Variants in ANO10 observed in about 807,000 individuals in gnomAD.
ANO10 encodes anoctamin-10.
ANO10 carries 77 observed loss-of-function variants against 74.7 expected under a neutral mutation model. The observed-to-expected ratio is 1.03, with a 90% CI of 0.86 to 1.25. The LOEUF (loss-of-function observed/expected upper bound fraction) is 1.25, where lower values mean the gene tolerates loss of function less well. Among genes scored for constraint, ANO10 ranks in the 50% most tolerant of loss-of-function variants. The pLI is 0.00. For missense variants in ANO10, 721 were observed against 778.1 expected, an observed-to-expected ratio of 0.93 and a Z score of 0.87; for synonymous variants, 279 against 284.9, an observed-to-expected ratio of 0.98 and a Z score of 0.21.
chr3:43,561,446 T>C (rs374495704), intron 8 of ANO10, 44 bp from the exon 9 acceptor site: 2 of 1,522,766 alleles, frequency 1.3e-6, no homozygotes, highest in East Asian at 2.3e-5. Context: ...TACAGCTTAA[T>C]AAAACTATAG....
At chr3:43,590,153 C>T (rs945087244) in intron 4 of ANO10, among the ~76,000 whole-genome samples, 1 of 151,974 alleles carries the variant, frequency 6.6e-6, no homozygotes, top group Admixed American at 6.6e-5. Context: ...TATTTTCCTG[C>T]CATATGTTAT....
intron 4 of ANO10, among the ~76,000 whole-genome samples, chr3:43,583,133 C>G (rs1379784759): frequency 6.6e-6 from 1 of 152,130 alleles, no homozygotes; most frequent in African/African-American, 2.4e-5. Flanking sequence ...ACTGAAGACT[C>G]AGAGAGAATA....
At chr3:43,451,537 T>A (rs1203535853) in intron 11 of ANO10, among the ~76,000 whole-genome samples, 2 of 152,020 alleles carry the variant, frequency 1.3e-5, no homozygotes, top group African/African-American at 4.8e-5. Context: ...AAACCTGACC[T>A]GTGACAGTAA....
At chr3:43,541,249 T>C (rs1345229073) in intron 11 of ANO10, among the ~76,000 whole-genome samples, 2 of 152,232 alleles carry the variant, frequency 1.3e-5, no homozygotes, top group African/African-American at 4.8e-5. Flanking sequence ...AAGAGACTTC[T>C]ATGACAACAG....
intron 1 of ANO10, among the ~76,000 whole-genome samples, chr3:43,607,653 GA>G (rs1386092124): frequency 6.6e-6 from 1 of 152,102 alleles, no homozygotes; most frequent in Admixed American, 6.6e-5. Context: ...TCTCAATCAG[GA>G]GAAAAGTTAC....
In ANO10 at chr3:43,495,231, C is replaced by T. The variant is rs142765619; in HGVS notation, c.1797+54489G>A. 2.3e-3 allele frequency among the ~76,000 whole-genome samples: 348 copies of T among 151,270 alleles called. 3 individuals are homozygous for T. Among genetic ancestry groups the T allele is most frequent in the Non-Finnish European group, 2.3e-3 (157 of 67,754 alleles). On this transcript the variant is annotated intron_variant, in intron 11 of 12. Transcript: ENST00000292246. ...CAAAACAAAAATAATTTTAAAAAAA[C>T]AAAAATAATTTCAAAATTAATTCAA...
At chr3:43,395,186 A>G (rs2092354130) in intron 12 of ANO10, among the ~76,000 whole-genome samples, 1 of 152,062 alleles carries the variant, frequency 6.6e-6, no homozygotes, top group African/African-American at 2.4e-5. Flanking sequence ...CAATCAGAGG[A>G]CCCTAGGAAA....
intron 11 of ANO10, among the ~76,000 whole-genome samples, chr3:43,544,064 T>G (rs2079072945): frequency 6.6e-6 from 1 of 152,202 alleles, no homozygotes; most frequent in Non-Finnish European, 1.5e-5. Flanking sequence ...CCATTTCTAT[T>G]TTTTAGAAAT....
chr3:43,428,816 A>AAAAAAAAAAC, intron 12 of ANO10, among the ~76,000 whole-genome samples: 1 of 150,930 alleles, frequency 6.6e-6, no homozygotes, highest in African/African-American at 2.4e-5. Context: ...AAAAAAAAAA[A>AAAAAAAAAAC]AAGTCATTGA....
intron 12 of ANO10, among the ~76,000 whole-genome samples, chr3:43,381,210 C>T (rs1053892514): frequency 1.3e-5 from 2 of 152,102 alleles, no homozygotes; most frequent in Admixed American, 6.6e-5. Flanking sequence ...ACATGGTCAA[C>T]CCATGTCACT....
intron 4 of ANO10, among the ~76,000 whole-genome samples, chr3:43,581,616 T>C (rs2081263635): frequency 1.3e-5 from 2 of 152,140 alleles, no homozygotes. Flanking sequence ...ACTAAGAATA[T>C]GGTTGCTTAT....
chr3:43,499,008 G>T (rs1227361924), intron 11 of ANO10, among the ~76,000 whole-genome samples: 1 of 152,168 alleles, frequency 6.6e-6, no homozygotes, highest in Admixed American at 6.5e-5. Flanking sequence ...GTGGTGGTGA[G>T]TACTGAGGAA....
At chr3:43,547,094 T>TA (rs1198080587) in intron 11 of ANO10, among the ~76,000 whole-genome samples, 1 of 152,166 alleles carries the variant, frequency 6.6e-6, no homozygotes, top group Non-Finnish European at 1.5e-5. Flanking sequence ...ATTGGAATGA[T>TA]ATATTTCTCT....
At chr3:43,459,948 C>T (rs377765662) in intron 11 of ANO10, among the ~76,000 whole-genome samples, 1 of 152,266 alleles carries the variant, frequency 6.6e-6, no homozygotes, top group Non-Finnish European at 1.5e-5. Context: ...AAATTATAAA[C>T]TACTATATAA....
intron 1 of ANO10, among the ~76,000 whole-genome samples, chr3:43,659,693 G>A (rs889238716): frequency 2.0e-5 from 3 of 152,162 alleles, no homozygotes; most frequent in South Asian, 2.1e-4. Context: ...AGACTTAAAC[G>A]CCCCTGCCTG....
intron 11 of ANO10, among the ~76,000 whole-genome samples, chr3:43,452,439 T>G (rs2074919341): frequency 1.3e-5 from 2 of 152,244 alleles, no homozygotes; most frequent in South Asian, 2.1e-4. Flanking sequence ...TATGTGGTCC[T>G]TTGTGATGGG....
chr3:43,528,198 GA>G (rs2078293913), intron 11 of ANO10, among the ~76,000 whole-genome samples: 1 of 106,380 alleles, frequency 9.4e-6, no homozygotes, highest in Admixed American at 1.0e-4. Flanking sequence ...ATTTCAAAAT[GA>G]AAAAAACGAA....
chr3:43,629,905 G>T (rs1359851168), intron 1 of ANO10, among the ~76,000 whole-genome samples: 1 of 152,176 alleles, frequency 6.6e-6, no homozygotes, highest in East Asian at 1.9e-4. Context: ...AACAGAAAAT[G>T]ATATTTGATG....
chr3:43,493,886 C>T (rs1049054154), intron 11 of ANO10, among the ~76,000 whole-genome samples: 2 of 152,088 alleles, frequency 1.3e-5, no homozygotes, highest in African/African-American at 4.8e-5. Flanking sequence ...CAGGCACATA[C>T]CACCACACTA....
Sources: allele counts gnomAD v4.1 joint callset (sites outside exome capture counted in the v4.1 genomes callset), GRCh38; gene constraint gnomAD v4.1.1; transcripts MANE v1.5; gene names NCBI Gene and HGNC (gene_info 2026-07-23, HGNC 2026-07-21).